STK33: variants seen among roughly 807,000 people sequenced by gnomAD.
STK33 encodes the protein serine/threonine kinase 33, also known as serine/threonine-protein kinase 33.
A neutral mutation model predicts 58.0 loss-of-function variants in STK33; 52 were observed. The ratio of observed to expected loss-of-function variants is 0.90; its 90% confidence interval spans 0.72 to 1.13. STK33 has a LOEUF of 1.13. STK33 is among the 50% of genes most tolerant of loss of function. STK33 has a pLI of 0.00. For synonymous variants in STK33, 215 were observed against 200.1 expected (o/e 1.07, Z -0.63); for missense variants, 630 against 604.2 (o/e 1.04, Z -0.45).
chr11:8,519,032 A>C (rs1237413006), intron 1 of STK33, among the ~76,000 whole-genome samples: 1 of 152,222 alleles, frequency 6.6e-6, no homozygotes, highest in East Asian at 1.9e-4. Context: ...AATCAATGGA[A>C]TATACATTCT....
chr11:8,502,814 G>T (rs764577564), intron 1 of STK33, among the ~76,000 whole-genome samples: 11 of 152,112 alleles, frequency 7.2e-5, no homozygotes, highest in Non-Finnish European at 1.3e-4. Flanking sequence ...TAAAAAGTGG[G>T]CAAAGGACAT....
the STK33 span, among the ~76,000 whole-genome samples, chr11:8,357,054 A>G: frequency 4.1e-4 from 62 of 152,326 alleles, no homozygotes; most frequent in African/African-American, 1.4e-3. Flanking sequence ...CCCAAGCCCC[A>G]GCTGTCTCCC....
rs758076205 is a variant in STK33, at chr11:8,413,674, C to T, written c.1165G>A (p.Val389Met). The change falls in exon 15 of 16, where the codon GTG (valine) becomes ATG (methionine). Residue 389 changes from valine (V) to methionine (M), a missense_variant. Transcript: ENST00000687296. ...QWLTGNKLSSVRPTNVLEMMK... is the reference protein window; with the variant it reads ...QWLTGNKLSSMRPTNVLEMMK... ...ATCTCTAATACATTGGTTGGTCTCACCGAAGAAAGTTTATTGCCCTAATAT... is the reference window on the plus strand; with the variant it reads ...ATCTCTAATACATTGGTTGGTCTCATCGAAGAAAGTTTATTGCCCTAATAT... 2 of 1,613,618 alleles carry T rather than the reference C, an allele frequency of 1.2e-6. No homozygotes were observed. Among genetic ancestry groups the T allele is most frequent in the African/African-American group, 1.3e-5 (1 of 74,982 alleles).
At chr11:8,413,403 T>C (rs1940610793) in intron 15 of STK33, 92 bp downstream of exon 15, 2 of 1,394,486 alleles carry the variant, frequency 1.4e-6, no homozygotes, top group Admixed American at 1.8e-5. Context: ...TGTTACAAAC[T>C]AACAACAAAA....
At chr11:8,432,355 A>G (rs1052564385) in intron 14 of STK33, among the ~76,000 whole-genome samples, 1 of 152,216 alleles carries the variant, frequency 6.6e-6, no homozygotes, top group African/African-American at 2.4e-5. Flanking sequence ...ACCACAGTTG[A>G]CAGTAAAAGG....
the STK33 span, among the ~76,000 whole-genome samples, chr11:8,352,352 G>A: frequency 1.3e-5 from 2 of 152,156 alleles, no homozygotes; most frequent in Non-Finnish European, 2.9e-5. Flanking sequence ...AAAGGAGTAG[G>A]AGAGGGTTTC....
intron 1 of STK33, among the ~76,000 whole-genome samples, chr11:8,491,695 G>A (rs7933271): frequency 0.23 from 34,908 of 152,034 alleles, 4,320 homozygotes; most frequent in Middle Eastern, 0.31. Context: ...CAGCCAGAGA[G>A]AAAGGTCAGG....
At chr11:8,396,562 T>C (rs985569942) in intron 15 of STK33, among the ~76,000 whole-genome samples, 10 of 152,202 alleles carry the variant, frequency 6.6e-5, no homozygotes, top group African/African-American at 1.2e-4. Flanking sequence ...ACGCAGAAGA[T>C]GGGTGATTTC....
intron 1 of STK33, among the ~76,000 whole-genome samples, chr11:8,496,417 G>C (rs573057401): frequency 1.3e-5 from 2 of 152,022 alleles, no homozygotes; most frequent in Non-Finnish European, 2.9e-5. Flanking sequence ...TTTATTCTCC[G>C]TCTGTTTTGT....
the STK33 span, among the ~76,000 whole-genome samples, chr11:8,337,029 G>A: frequency 4.6e-5 from 7 of 152,350 alleles, no homozygotes; most frequent in African/African-American, 9.6e-5. Flanking sequence ...TCAATGGGCC[G>A]AGGATGTGCT....
chr11:8,407,431 T>C (rs369983987), intron 15 of STK33, among the ~76,000 whole-genome samples: 1 of 152,118 alleles, frequency 6.6e-6, no homozygotes, highest in Admixed American at 6.5e-5. Context: ...TCTTCAAAGA[T>C]TTAGAAGAAT....
At chr11:8,362,674 A>G in the STK33 span, among the ~76,000 whole-genome samples, 119 of 152,306 alleles carry the variant, frequency 7.8e-4, 1 homozygote, top group African/African-American at 2.8e-3. Context: ...GAAGGCATTA[A>G]TGGGGTGTCG....
At position 8,498,399 on chromosome 11, in the gene STK33, T is replaced by C. The variant is rs553443264; in HGVS notation, c.-465-17785A>G. Among the ~76,000 whole-genome samples, 8 of 152,220 alleles carry C rather than the reference T, an allele frequency of 5.3e-5. No homozygotes were observed. In the East Asian group the frequency reaches 1.5e-3, roughly 29 times the overall value. On this transcript the variant is annotated intron_variant, in intron 1 of 15. Coordinates refer to ENST00000687296, the MANE Select transcript of STK33 (RefSeq NM_001352389.2). ...ACTTACAGGGGATGTGAAGGACCTCTTCAAGGGGAACTACAAACCCTGCTC... is the reference window on the plus strand; with the variant it reads ...ACTTACAGGGGATGTGAAGGACCTCCTCAAGGGGAACTACAAACCCTGCTC...
At chr11:8,569,765 T>C (rs1957677717) in intron 1 of STK33, among the ~76,000 whole-genome samples, 1 of 152,004 alleles carries the variant, frequency 6.6e-6, no homozygotes, top group Non-Finnish European at 1.5e-5. Context: ...AAGACTACCC[T>C]AGGCAACATG....
intron 14 of STK33, among the ~76,000 whole-genome samples, chr11:8,424,970 C>A (rs12269799): frequency 0.5 from 58,320 of 115,578 alleles, 15,989 homozygotes; most frequent in South Asian, 0.61. Context: ...CTTTTGCTGC[C>A]CAGAAGCTCT....
chr11:8,443,619 T>C (rs1204742810), intron 11 of STK33, among the ~76,000 whole-genome samples: 3 of 146,672 alleles, frequency 2.0e-5, no homozygotes, highest in Non-Finnish European at 4.5e-5. Context: ...AAAGTCAAGG[T>C]ACTCAGAGGA....
intron 14 of STK33, among the ~76,000 whole-genome samples, chr11:8,423,663 T>C (rs1344209711): frequency 2.0e-5 from 3 of 152,118 alleles, no homozygotes; most frequent in Non-Finnish European, 2.9e-5. Context: ...ATATTCCACA[T>C]GTGCTTGAGA....
At chr11:8,560,751 C>T (rs530362714) in intron 1 of STK33, among the ~76,000 whole-genome samples, 1 of 152,198 alleles carries the variant, frequency 6.6e-6, no homozygotes, top group South Asian at 2.1e-4. Context: ...ACCTGACACA[C>T]ATTATTGTAT....
At chr11:8,368,402 G>A in the STK33 span, among the ~76,000 whole-genome samples, 12 of 152,174 alleles carry the variant, frequency 7.9e-5, no homozygotes, top group Non-Finnish European at 1.6e-4. Flanking sequence ...TGCTGTCCTT[G>A]GCCTGTGCCA....
Sources: allele counts gnomAD v4.1 joint callset (sites outside exome capture counted in the v4.1 genomes callset), GRCh38; gene constraint gnomAD v4.1.1; transcripts MANE v1.5; gene names NCBI Gene and HGNC (gene_info 2026-07-23, HGNC 2026-07-21).